The following SAMD5 variants were observed in gnomAD, a reference collection of about 807,000 sequenced individuals.
SAMD5 encodes sterile alpha motif domain containing 5, also known as sterile alpha motif domain-containing protein 5.
A neutral mutation model predicts 11.3 loss-of-function variants in SAMD5; 13 were observed. The observed-to-expected ratio is 1.15, with a 90% CI of 0.75 to 1.83. The LOEUF (loss-of-function observed/expected upper bound fraction) is 1.83, where lower values mean the gene tolerates loss of function less well. Among genes scored for constraint, SAMD5 ranks in the 40% most tolerant of loss-of-function variants. The pLI is 0.00. For synonymous variants in SAMD5, 129 were observed against 111.3 expected, an observed-to-expected ratio of 1.16 and a Z score of -1.00; for missense variants, 255 against 239.1, an observed-to-expected ratio of 1.07 and a Z score of -0.44.
At chr6:147,699,612 T>C (rs1176880655) in intron 1 of SAMD5, among the ~76,000 whole-genome samples, 1 of 152,208 alleles carries the variant, frequency 6.6e-6, no homozygotes, top group African/African-American at 2.4e-5. Flanking sequence ...GATCTTTAAA[T>C]ATTAAATGTT....
chr6:147,696,006 T>C (rs897154663), intron 1 of SAMD5, among the ~76,000 whole-genome samples: 6 of 152,278 alleles, frequency 3.9e-5, no homozygotes, highest in Admixed American at 3.9e-4. Context: ...TCATGCCATG[T>C]CTTGCACAAC....
At chr6:147,640,232 A>G (rs967069937) in intron 1 of SAMD5, among the ~76,000 whole-genome samples, 1 of 151,894 alleles carries the variant, frequency 6.6e-6, no homozygotes, top group African/African-American at 2.4e-5. Flanking sequence ...AGGCTGAGGC[A>G]GGAGAATCGC....
At chr6:147,740,944 ATGACC>A (rs1342743651), downstream of SAMD5, among the ~76,000 whole-genome samples, 1 of 152,246 alleles carries the variant, frequency 6.6e-6, no homozygotes, top group Non-Finnish European at 1.5e-5. Context: ...GAAACCTGAC[ATGACC>A]TGAATATACA....
At chr6:147,636,716 C>T (rs1790235436) in intron 1 of SAMD5, among the ~76,000 whole-genome samples, 1 of 152,130 alleles carries the variant, frequency 6.6e-6, no homozygotes, top group South Asian at 2.1e-4. Context: ...AATTACTTAA[C>T]TTTTCTACAC....
chr6:147,676,791 G>C (rs952422216), intron 1 of SAMD5, among the ~76,000 whole-genome samples: 1 of 140,672 alleles, frequency 7.1e-6, no homozygotes, highest in African/African-American at 2.6e-5. Context: ...AGATTGCCAC[G>C]AGCAAAGCAC....
At chr6:147,546,734 G>A (rs1788693884) in intron 1 of SAMD5, among the ~76,000 whole-genome samples, 1 of 152,142 alleles carries the variant, frequency 6.6e-6, no homozygotes, top group South Asian at 2.1e-4. Context: ...TATGTAAAAT[G>A]CTTCTGAACT....
the SAMD5 span, chr6:147,953,368 G>A: frequency 6.6e-6 from 1 of 151,818 alleles, no homozygotes; most frequent in African/African-American, 2.4e-5. Flanking sequence ...AAAAATAAAT[G>A]GATATGAAAT....
At chr6:147,775,019 G>A in the SAMD5 span, among the ~76,000 whole-genome samples, 300 of 152,220 alleles carry the variant, frequency 2.0e-3, 1 homozygote, top group Non-Finnish European at 3.3e-3. Context: ...CCAGGAGGGG[G>A]CGACCTCCTG....
intron 1 of SAMD5, among the ~76,000 whole-genome samples, chr6:147,703,416 G>A (rs1310715020): frequency 6.6e-6 from 1 of 151,418 alleles, no homozygotes; most frequent in Non-Finnish European, 1.5e-5. Flanking sequence ...TGATTTTGAC[G>A]GTCTGCATTT....
the SAMD5 span, among the ~76,000 whole-genome samples, chr6:147,899,635 C>G: frequency 2.0e-5 from 3 of 152,206 alleles, no homozygotes; most frequent in African/African-American, 4.8e-5. Context: ...CTTACTCCAG[C>G]CTGTTCTATT....
the SAMD5 span, among the ~76,000 whole-genome samples, chr6:147,796,155 G>T: frequency 6.7e-6 from 1 of 150,358 alleles, no homozygotes; most frequent in Non-Finnish European, 1.5e-5. Context: ...CCTATGTCCT[G>T]AATGGTAATG....
chr6:147,848,755 A>C, the SAMD5 span, among the ~76,000 whole-genome samples: 6 of 152,214 alleles, frequency 3.9e-5, no homozygotes, highest in Non-Finnish European at 8.8e-5. Context: ...CATGATGCAG[A>C]CCTCAACCAA....
the SAMD5 span, among the ~76,000 whole-genome samples, chr6:147,943,671 G>A: frequency 6.6e-6 from 1 of 151,932 alleles, no homozygotes; most frequent in Non-Finnish European, 1.5e-5. Context: ...CTCCTCAAAT[G>A]TATCATATTC....
At chr6:147,633,981 C>A (rs2128451592) in intron 1 of SAMD5, among the ~76,000 whole-genome samples, 1 of 152,286 alleles carries the variant, frequency 6.6e-6, no homozygotes, top group South Asian at 2.1e-4. Context: ...TCTCCAGCTT[C>A]ATTCCCACCC....
At position 147,567,529 on chromosome 6, in the gene SAMD5, T is replaced by C. The variant is rs1789061440; in HGVS notation, c.*3073T>C. 1.1e-6 allele frequency: 1 copy of C among 919,744 alleles called. No individual in the cohort carries two copies. The allele number at this position is 919,744 out of a possible 1,614,324, so 57.0% of individuals were successfully genotyped here. A position where few individuals can be genotyped will look rare whatever the true frequency, so the allele number is the denominator to read the frequency against. ...ATTAAAGCTTCTTTTCCCTTGTCTG[T>C]AAAATGGGAAAAATAAATACCTCTA... On this transcript the variant is annotated 3_prime_UTR_variant, in exon 2 of 2. Transcript: ENST00000367474.
intron 1 of SAMD5, among the ~76,000 whole-genome samples, chr6:147,532,833 A>G (rs1562314171): frequency 6.6e-6 from 1 of 152,158 alleles, no homozygotes; most frequent in Non-Finnish European, 1.5e-5. Context: ...ACATAGTTAT[A>G]ATGAGGTTAT....
chr6:147,820,839 C>T, the SAMD5 span, among the ~76,000 whole-genome samples: 5 of 152,248 alleles, frequency 3.3e-5, no homozygotes, highest in Admixed American at 2.0e-4. Context: ...ACAATGGGCT[C>T]GCTCTGTGGC....
chr6:147,933,707 C>T, the SAMD5 span, among the ~76,000 whole-genome samples: 14 of 149,362 alleles, frequency 9.4e-5, no homozygotes, highest in South Asian at 2.9e-3. Flanking sequence ...TAATATCTAG[C>T]ATTAAAAACA....
chr6:147,766,323 A>G, the SAMD5 span, among the ~76,000 whole-genome samples: 1 of 152,136 alleles, frequency 6.6e-6, no homozygotes, highest in Non-Finnish European at 1.5e-5. Context: ...AAAGAACACA[A>G]CAACCCAAAT....
Sources: gnomAD v4.1 joint callset for allele counts (sites outside exome capture counted in the v4.1 genomes callset) on GRCh38, gnomAD v4.1.1 for gene constraint, MANE v1.5 for transcripts, NCBI Gene and HGNC (gene_info 2026-07-23, HGNC 2026-07-21) for gene names.